Variants in SEPTIN9 observed in about 807,000 individuals in gnomAD.
The protein encoded by SEPTIN9 is septin 9, also known as septin-9.
In SEPTIN9, 13 loss-of-function variants were observed where a neutral mutation model predicts 56.6. That is an observed-to-expected ratio of 0.23 (90% CI 0.15 to 0.37). The LOEUF (loss-of-function observed/expected upper bound fraction) is 0.37. SEPTIN9 is among the 10% of genes least tolerant of loss of function. SEPTIN9 has a pLI of 1.00. For synonymous variants in SEPTIN9, 332 were observed against 334.1 expected, an observed-to-expected ratio of 0.99 and a Z score of 0.07; for missense variants, 650 against 823.1, an observed-to-expected ratio of 0.79 and a Z score of 2.57.
Position 77,453,917 on chromosome 17 carries a change from C to T in SEPTIN9, c.722-28227C>T, listed in dbSNP as rs998549928. On this transcript the variant is annotated intron_variant, in intron 3 of 11. Coordinates refer to ENST00000427177, the MANE Select transcript of SEPTIN9 (RefSeq NM_001113491.2). This position sits in a 1 kb window ranked among gnomAD's most constrained non-coding sequence, Gnocchi z 4.4. ...CTGGTGCAGTGTGTGGCTTCCCTGC[C>T]GGTGTCAAAGGTCTCAAGGCCCCTT... The T allele has an allele frequency of 1.6e-5, 5 of 320,774 alleles. No homozygotes were observed. In the East Asian group the frequency reaches 6.8e-4, roughly 44 times the overall value. 19.9% of individuals were successfully genotyped at this position (320,774 alleles called of 1,614,324 possible). A position where few individuals can be genotyped will look rare whatever the true frequency, so the allele number is the denominator to read the frequency against.
At chr17:77,287,165 C>G (rs926317269) in intron 1 of SEPTIN9, among the ~76,000 whole-genome samples, 6 of 152,204 alleles carry the variant, frequency 3.9e-5, no homozygotes, top group Admixed American at 6.5e-5. Flanking sequence ...AATCGCTGAC[C>G]AAAGGGAGTC....
At chr17:77,426,279 C>A (rs1319801891) in intron 3 of SEPTIN9, among the ~76,000 whole-genome samples, 1 of 152,058 alleles carries the variant, frequency 6.6e-6, no homozygotes, top group African/African-American at 2.4e-5. Flanking sequence ...GCCAGCGAGT[C>A]CCCTGCACAG....
At chr17:77,346,140 C>T (rs1211942425) in intron 2 of SEPTIN9, among the ~76,000 whole-genome samples, 5 of 151,972 alleles carry the variant, frequency 3.3e-5, no homozygotes, top group Admixed American at 3.3e-4. Flanking sequence ...CAGGGTTTCA[C>T]CATGTTGGCC....
intron 3 of SEPTIN9, among the ~76,000 whole-genome samples, chr17:77,413,555 G>C (rs2036379901): frequency 6.6e-6 from 1 of 152,176 alleles, no homozygotes; most frequent in Non-Finnish European, 1.5e-5. Context: ...AGCGTCCTGG[G>C]ATGCTCCATG....
In SEPTIN9 at chr17:77,475,003, A is replaced by T. The variant is rs1029277197; in HGVS notation, c.722-7141A>T. Among the ~76,000 whole-genome samples the T allele has an allele frequency of 3.9e-4, 58 of 147,284 alleles. No individual in the cohort carries two copies. The highest frequency in any genetic ancestry group is 6.8e-4 in the Non-Finnish European group (45 of 66,280). ...CCAACATTAGTGAGACCCACTCTCT[A>T]AAAAAAAAAATTAGAGTAACGCCTG... is the stretch of plus-strand genomic sequence containing the variant. On this transcript the variant is annotated intron_variant, in intron 3 of 11. Transcript: ENST00000427177. The surrounding 1 kb of genome is among the most constrained non-coding windows in gnomAD (Gnocchi z 4.6).
Position 77,451,396 on chromosome 17 carries a change from C to A in SEPTIN9, c.722-30748C>A, listed in dbSNP as rs562349562. ...TCGAGGTCCCTCCCTACCTCTGCCC[C>A]GCGCTCTGGGAGGCTCCTTGTTCCG... is the stretch of plus-strand genomic sequence containing the variant. On this transcript the variant is annotated intron_variant, in intron 3 of 11. Coordinates refer to ENST00000427177, the MANE Select transcript of SEPTIN9 (RefSeq NM_001113491.2). The surrounding 1 kb of genome is among the most constrained non-coding windows in gnomAD (Gnocchi z 4.2). The A allele has an allele frequency of 6.2e-5, 61 of 985,782 alleles. No homozygotes were observed. Among genetic ancestry groups the A allele is most frequent in the Non-Finnish European group, 7.1e-5 (59 of 830,140 alleles). The allele number at this position is 985,782 out of a possible 1,614,324, so 61.1% of individuals were successfully genotyped here. A position where few individuals can be genotyped will look rare whatever the true frequency, so the allele number is the denominator to read the frequency against.
intron 2 of SEPTIN9, among the ~76,000 whole-genome samples, chr17:77,352,497 G>A (rs901820977): frequency 2.0e-5 from 3 of 152,192 alleles, no homozygotes; most frequent in African/African-American, 7.2e-5. Flanking sequence ...GTGTCTGAAG[G>A]TTCATTCCTC....
At chr17:77,441,576 C>T (rs992569816) in intron 3 of SEPTIN9, among the ~76,000 whole-genome samples, 3 of 152,232 alleles carry the variant, frequency 2.0e-5, no homozygotes, top group Admixed American at 1.3e-4. Flanking sequence ...TTTCATTGCC[C>T]TCCATTTACA....
chr17:77,360,375 C>G (rs1234283113), intron 2 of SEPTIN9, among the ~76,000 whole-genome samples: 1 of 152,198 alleles, frequency 6.6e-6, no homozygotes, highest in Non-Finnish European at 1.5e-5. Flanking sequence ...TAAGCCGTAG[C>G]TGCCTGAGCG....
rs967032220 is a variant in SEPTIN9 at position 77,370,759 on chromosome 17, C to A, written c.77-31300C>A. Among the ~76,000 whole-genome samples the A allele has an allele frequency of 4.6e-5, 7 of 152,322 alleles. No individual in the cohort carries two copies. The East Asian group carries it at 1.4e-3, about 29-fold the overall frequency. On this transcript the variant is annotated intron_variant, in intron 2 of 11. Coordinates refer to ENST00000427177, the MANE Select transcript of SEPTIN9 (RefSeq NM_001113491.2). Reference sequence around the variant, plus strand: ...CCCCTTCTGGGACTGTGTGTCCAGGCCCTGAGGCCCTAGAAAAGGGGGGTG... The same window carrying A: ...CCCCTTCTGGGACTGTGTGTCCAGGACCTGAGGCCCTAGAAAAGGGGGGTG...
chr17:77,427,197 T>C (rs1347440348), intron 3 of SEPTIN9: 2 of 152,056 alleles, frequency 1.3e-5, no homozygotes, highest in African/African-American at 2.4e-5. Flanking sequence ...CACCTGTGAG[T>C]GCCGGTGAGT....
chr17:77,371,184 G>C lies in SEPTIN9; in HGVS notation c.77-30875G>C, dbSNP rs1042306594. Reference sequence around the variant, plus strand: ...TCTAGGCCTGGTCATGTGGCTCTGAGTGATTACATTGAAGGGGCAGTGGCT... The same window carrying C: ...TCTAGGCCTGGTCATGTGGCTCTGACTGATTACATTGAAGGGGCAGTGGCT... On this transcript the variant is annotated intron_variant, in intron 2 of 11. Coordinates refer to ENST00000427177, the MANE Select transcript of SEPTIN9 (RefSeq NM_001113491.2). This position sits in a 1 kb window ranked among gnomAD's most constrained non-coding sequence, Gnocchi z 4.1. 6.6e-6 allele frequency among the ~76,000 whole-genome samples: 1 copy of C among 152,214 alleles called. No homozygotes were observed. Among genetic ancestry groups the C allele is most frequent in the African/African-American group, 2.4e-5 (1 of 41,460 alleles).
At chr17:77,348,939 A>C (rs2033973019) in intron 2 of SEPTIN9, among the ~76,000 whole-genome samples, 1 of 152,134 alleles carries the variant, frequency 6.6e-6, no homozygotes, top group African/African-American at 2.4e-5. Context: ...TGTGCTCTTC[A>C]TTCCTTCCTG....
chr17:77,388,527 C>T (rs969549224), intron 2 of SEPTIN9, among the ~76,000 whole-genome samples: 9 of 152,202 alleles, frequency 5.9e-5, no homozygotes, highest in South Asian at 2.1e-4. Flanking sequence ...GTGGCTCTGC[C>T]GTCACCTCCA....
In SEPTIN9 at chr17:77,499,972, C is replaced by G. The variant is rs1315561699; in HGVS notation, c.*1314C>G. ...CCCGGCCCCTCACCCTCTGTCCCCA[C>G]GAGGGGACCCATGGGGGCTGTCTTT... On this transcript the variant is annotated 3_prime_UTR_variant, in exon 12 of 12. Transcript: ENST00000427177. The G allele has an allele frequency of 1.7e-5, 4 of 239,702 alleles. No homozygotes were observed. Among genetic ancestry groups the G allele is most frequent in the Middle Eastern group, 1.2e-3 (1 of 818 alleles). The allele number at this position is 239,702 out of a possible 1,614,324, so 14.8% of individuals were successfully genotyped here. A position where few individuals can be genotyped will look rare whatever the true frequency, so the allele number is the denominator to read the frequency against.
intron 2 of SEPTIN9, among the ~76,000 whole-genome samples, chr17:77,361,299 G>A (rs2034410088): frequency 6.6e-6 from 1 of 152,104 alleles, no homozygotes; most frequent in African/African-American, 2.4e-5. Flanking sequence ...TACTGCCTGC[G>A]GGACAGAGCC....
At position 77,434,160 on chromosome 17, in the gene SEPTIN9, C is replaced by G. The variant is rs1022561986; in HGVS notation, c.721+31457C>G. Among the ~76,000 whole-genome samples, 2 of 152,152 alleles carry G rather than the reference C, an allele frequency of 1.3e-5. No individual in the cohort carries two copies. The highest frequency in any genetic ancestry group is 2.4e-5 in the African/African-American group (1 of 41,440). ...TTGGTGGGAGAGGCAGGGCCCCTTC[C>G]CCTTTAATCTGGGCAACCTTGCTTT... On this transcript the variant is annotated intron_variant, in intron 3 of 11. Coordinates refer to ENST00000427177, the MANE Select transcript of SEPTIN9 (RefSeq NM_001113491.2). This position sits in a 1 kb window ranked among gnomAD's most constrained non-coding sequence, Gnocchi z 5.0.
chr17:77,391,013 G>A (rs909751862), intron 2 of SEPTIN9, among the ~76,000 whole-genome samples: 3 of 152,194 alleles, frequency 2.0e-5, no homozygotes, highest in African/African-American at 7.2e-5. Context: ...TGATGGGACC[G>A]AGCAGGAGAA....
At chr17:77,454,764 C>T (rs372128174) in intron 3 of SEPTIN9, among the ~76,000 whole-genome samples, 185 of 152,370 alleles carry the variant, frequency 1.2e-3, no homozygotes, top group African/African-American at 4.2e-3. Flanking sequence ...GGCCCCGGAG[C>T]GGGTGCAGGA....
Sources: gnomAD v4.1 joint callset for allele counts (sites outside exome capture counted in the v4.1 genomes callset) on GRCh38, gnomAD v4.1.1 for gene constraint, Gnocchi (gnomAD v3.1) non-coding constraint, MANE v1.5 for transcripts, NCBI Gene and HGNC (gene_info 2026-07-23, HGNC 2026-07-21) for gene names.